Variants in ARHGAP45 observed in about 807,000 individuals in gnomAD.
ARHGAP45 encodes rho GTPase-activating protein 45.
ARHGAP45 carries 56 observed loss-of-function variants against 116.1 expected under a neutral mutation model. That is an observed-to-expected ratio of 0.48 (90% confidence interval 0.39 to 0.60). The LOEUF is 0.60. ARHGAP45 is among the 20% of genes least tolerant of loss of function. ARHGAP45 has a pLI of 0.00. For synonymous variants in ARHGAP45, 866 were observed against 701.7 expected (o/e 1.23, Z -3.70); for missense variants, 1,622 against 1,601.0 (o/e 1.01, Z -0.22).
rs2043532192 is a variant in ARHGAP45 at position 1,084,260 on chromosome 19, C to G, written c.2978C>G (p.Ala993Gly). The change falls in exon 22 of 23, where the codon GCT becomes GGT. Residue 993 changes from alanine to glycine, a missense_variant. This residue lies in a region of ARHGAP45 where 1,334 missense variants were observed against 1,263.8 expected (regional missense o/e 1.06). Coordinates refer to ENST00000313093, the MANE Select transcript of ARHGAP45 (RefSeq NM_012292.5). ...CAGGACGAGTCATCCAACCAGCGAGCTGAGGTAGTCGTCCAGGTGCCGTAC... is the reference window on the plus strand; with the variant it reads ...CAGGACGAGTCATCCAACCAGCGAGGTGAGGTAGTCGTCCAGGTGCCGTAC... ...GGQDESSNQR[A>G]EVVVQVPYLE... The G allele has an allele frequency of 6.2e-7, 1 of 1,613,442 alleles. No individual in the cohort carries two copies. Among genetic ancestry groups the G allele is most frequent in the Non-Finnish European group, 8.5e-7 (1 of 1,179,914 alleles).
chr19:1,083,023 G>A lies in ARHGAP45; in HGVS notation c.2701G>A (p.Glu901Lys). The change falls in exon 20 of 23, where the codon GAG becomes AAG. Residue 901 changes from glutamate (E) to lysine (K), a missense_variant. Transcript: ENST00000313093. ...LRELLRDLPP[E>K]NRASLQYLLR... ...GGAGCTCCTGCGGGACCTGCCGCCT[G>A]AGAACCGGGCCTCGCTGCAGTACCT... 1 of 1,545,384 alleles carries A rather than the reference G, an allele frequency of 6.5e-7. No individual in the cohort carries two copies. The highest frequency in any genetic ancestry group is 2.4e-5 in the East Asian group (1 of 41,982).
rs758566665 is a variant in ARHGAP45, at chr19:1,080,032, G to A, written c.1617G>A (p.Gln539=). 5 of 1,612,920 alleles carry A rather than the reference G, an allele frequency of 3.1e-6. No individual in the cohort carries two copies. The highest frequency in any genetic ancestry group is 1.1e-5 in the South Asian group (1 of 91,090). ...ESSKLYDPGQ[Q]YASHVRQLQR... Reference sequence around the variant, plus strand: ...GCAAGCTGTATGACCCAGGCCAGCAGTACGCCTCCCACGTGCGCCAGCTGC... The same window carrying A: ...GCAAGCTGTATGACCCAGGCCAGCAATACGCCTCCCACGTGCGCCAGCTGC... The change falls in exon 13 of 23, where the codon CAG becomes CAA. Residue 539 remains glutamine, a synonymous_variant. Coordinates refer to ENST00000313093, the MANE Select transcript of ARHGAP45 (RefSeq NM_012292.5).
intron 10 of ARHGAP45, chr19:1,077,374 CT>C (rs34571690): frequency 0.17 from 138,286 of 823,970 alleles, 1 homozygote; most frequent in Non-Finnish European, 0.18. Flanking sequence ...TCCTCCCGTT[CT>C]TTTTTTTTTT....
At chr19:1,070,329 C>CTTTTTTTTTTTT (rs1172163710) in intron 2 of ARHGAP45, among the ~76,000 whole-genome samples, 11 of 93,288 alleles carry the variant, frequency 1.2e-4, no homozygotes, top group South Asian at 3.8e-4. Context: ...CTTTTCTTTT[C>CTTTTTTTTTTTT]TTTTTTTTTT....
intron 22 of ARHGAP45, 28 bp from the exon 23 acceptor site, chr19:1,085,632 C>T: frequency 1.4e-6 from 2 of 1,480,664 alleles, no homozygotes; most frequent in Non-Finnish European, 1.8e-6. Context: ...CTGTCTGTCT[C>T]CCCCCGCCAT....
At chr19:1,072,775 G>T (rs1277690782) in intron 2 of ARHGAP45, among the ~76,000 whole-genome samples, 3 of 152,250 alleles carry the variant, frequency 2.0e-5, no homozygotes, top group Non-Finnish European at 4.4e-5. Flanking sequence ...AGGGCAGAGA[G>T]AGACCTGGAC....
Position 1,080,704 on chromosome 19 carries a change from G to C in ARHGAP45, c.1935G>C (p.Arg645=). 6.2e-7 allele frequency: 1 copy of C among 1,613,560 alleles called. No homozygotes were observed. The highest frequency in any genetic ancestry group is 8.5e-7 in the Non-Finnish European group (1 of 1,179,966). Residue 645 remains arginine, a synonymous_variant, in exon 16 of 23, where the codon CGG becomes CGC. Transcript: ENST00000313093. ...CAGGGGACTTTAAGAAGTTCGAGCG[G>C]ACGTCATCCAGTGGTACCATGTCGT... ...PGAGDFKKFE[R]TSSSGTMSST... is the part of the protein sequence containing the mutation.
rs779422486 is a variant in ARHGAP45 at position 1,073,985 on chromosome 19, C to T, written c.761C>T (p.Thr254Met). 1.4e-5 allele frequency: 22 copies of T among 1,591,826 alleles called. No homozygotes were observed. Among genetic ancestry groups the T allele is most frequent in the Admixed American group, 5.3e-5 (3 of 56,946 alleles). The change falls in exon 6 of 23, where the codon ACG becomes ATG. Residue 254 changes from threonine (T) to methionine (M), a missense_variant. Thr to Met is a moderately conservative substitution (Grantham distance 81). This residue lies in a region of ARHGAP45 where 1,334 missense variants were observed against 1,263.8 expected (regional missense o/e 1.06). Transcript: ENST00000313093. ...CTGTATGGACCGGGCAGTGAGGGCA[C>T]GCCTCCCAGCCTGGAAGACTGTGAC... ...ESLYGPGSEG[T>M]PPSLEDCDAG...
chr19:1,074,617 C>T lies in ARHGAP45; in HGVS notation c.997C>T (p.His333Tyr), dbSNP rs781329831. The T allele has an allele frequency of 7.0e-6, 11 of 1,581,786 alleles. No homozygotes were observed. Among genetic ancestry groups the T allele is most frequent in the Admixed American group, 5.3e-5 (3 of 56,292 alleles). Reference sequence around the variant, plus strand: ...TGAGCCGGTGCCCCACCCACAGCCCCACATGCCGCTCCTGTCCATCTACTC... The same window carrying T: ...TGAGCCGGTGCCCCACCCACAGCCCTACATGCCGCTCCTGTCCATCTACTC... ...NCRQSVMQEPHMPLLSIYSLA... is the reference protein window; with the variant it reads ...NCRQSVMQEPYMPLLSIYSLA... The change falls in exon 9 of 23, where the codon CAC (histidine) becomes TAC (tyrosine). Residue 333 changes from histidine (H) to tyrosine (Y), a missense_variant. His to Tyr is a moderately conservative substitution (Grantham distance 83, BLOSUM62 2). Around this residue, in one of 3 missense-constraint regions of ARHGAP45, gnomAD observed 1,334 missense variants for 1,263.8 expected, o/e 1.06. Transcript: ENST00000313093.
Position 1,081,961 on chromosome 19 carries a change from G to A in ARHGAP45, c.2517G>A (p.Gln839=), listed in dbSNP as rs749189148. 1 of 1,609,534 alleles carries A rather than the reference G, an allele frequency of 6.2e-7. No individual in the cohort carries two copies. The highest frequency in any genetic ancestry group is 8.5e-7 in the Non-Finnish European group (1 of 1,178,360). ...ISNVLKLYLR[Q]LPEPLISFRL... ...ACGTCCTCAAGCTCTACCTGCGTCA[G>A]GTGAGACCCACCGGTGGTGGCCAGG... Residue 839 remains glutamine (Q), a splice_region_variant and synonymous_variant, in exon 19 of 23, where the codon CAG becomes CAA. Transcript: ENST00000313093.
intron 11 of ARHGAP45, 78 bp downstream of exon 11, chr19:1,078,123 G>T (rs1271561041): frequency 6.8e-7 from 1 of 1,463,936 alleles, no homozygotes; most frequent in African/African-American, 1.5e-5. Context: ...ACTACCTCCA[G>T]ACCTTTGTTT....
intron 10 of ARHGAP45, among the ~76,000 whole-genome samples, chr19:1,076,452 C>T (rs1171185919): frequency 6.9e-6 from 1 of 145,206 alleles, no homozygotes; most frequent in Non-Finnish European, 1.5e-5. Flanking sequence ...CCTATTTTGC[C>T]AGGTAGAAAC....
At chr19:1,085,183 A>T (rs998053255) in intron 22 of ARHGAP45, among the ~76,000 whole-genome samples, 25 of 152,184 alleles carry the variant, frequency 1.6e-4, no homozygotes, top group African/African-American at 6.0e-4. Flanking sequence ...GCAGAAAGCA[A>T]AGAGGAGCAA....
intron 17 of ARHGAP45, 104 bp from the exon 18 acceptor site, chr19:1,081,446 C>A: frequency 8.6e-7 from 1 of 1,160,388 alleles, no homozygotes. Flanking sequence ...CAGAAGCTGC[C>A]GTGTGGGGGC....
At chr19:1,066,118 T>C, upstream of ARHGAP45, 2 of 1,535,634 alleles carry the variant, frequency 1.3e-6, no homozygotes, top group Non-Finnish European at 1.7e-6. Context: ...CAAGGGGCTG[T>C]GGCCTTCATG....
rs777194332 is a variant in ARHGAP45, at chr19:1,086,013, G to A, written c.*7G>A. On this transcript the variant is annotated 3_prime_UTR_variant, in exon 23 of 23. Transcript: ENST00000313093. ...GCAGCCGGAATTCGTGTGAGCTGGGGTGGGGCTGGGACCACAGGTGGCTTC... is the reference window on the plus strand; with the variant it reads ...GCAGCCGGAATTCGTGTGAGCTGGGATGGGGCTGGGACCACAGGTGGCTTC... 3 of 1,607,846 alleles carry A rather than the reference G, an allele frequency of 1.9e-6. No individual in the cohort carries two copies. Among genetic ancestry groups the A allele is most frequent in the Non-Finnish European group, 2.5e-6 (3 of 1,176,568 alleles).
In ARHGAP45 at chr19:1,067,331, G is replaced by C. The variant is rs1599746417; in HGVS notation, c.-75G>C. On this transcript the variant is annotated 5_prime_UTR_variant, in exon 1 of 23. Coordinates refer to ENST00000313093, the MANE Select transcript of ARHGAP45 (RefSeq NM_012292.5). ...GGGTGGCCGGCGACAATGTGGTCCCGAAGCGGCCAGCGCCGGGAGCTGCAG... is the reference window on the plus strand; with the variant it reads ...GGGTGGCCGGCGACAATGTGGTCCCCAAGCGGCCAGCGCCGGGAGCTGCAG... 1 of 1,459,264 alleles carries C rather than the reference G, an allele frequency of 6.9e-7. No individual in the cohort carries two copies. The highest frequency in any genetic ancestry group is 9.0e-7 in the Non-Finnish European group (1 of 1,107,944). The allele number at this position is 1,459,264 out of a possible 1,614,324, so 90.4% of individuals were successfully genotyped here.
rs985124540 is a variant in ARHGAP45, at chr19:1,085,766, G to A, written c.3171G>A (p.Gln1057=). Residue 1057 remains glutamine, a synonymous_variant, in exon 23 of 23, where the codon CAG becomes CAA. Coordinates refer to ENST00000313093, the MANE Select transcript of ARHGAP45 (RefSeq NM_012292.5). ...SALGHLSFLE[Q]QQSEASLEVA... Reference sequence around the variant, plus strand: ...TGGGCCACCTCAGCTTCCTGGAGCAGCAGCAGAGCGAGGCCAGCCTAGAGG... The same window carrying A: ...TGGGCCACCTCAGCTTCCTGGAGCAACAGCAGAGCGAGGCCAGCCTAGAGG... 2 of 1,612,582 alleles carry A rather than the reference G, an allele frequency of 1.2e-6. No homozygotes were observed. Among genetic ancestry groups the A allele is most frequent in the Non-Finnish European group, 1.7e-6 (2 of 1,179,806 alleles).
chr19:1,067,801 G>C, intron 1 of ARHGAP45: 1 of 618,358 alleles, frequency 1.6e-6, no homozygotes, highest in Middle Eastern at 4.1e-4. Context: ...CAGGTTGGGG[G>C]CTTAGGCAAT....
Sources: allele counts gnomAD v4.1 joint callset (sites outside exome capture counted in the v4.1 genomes callset), GRCh38; gene constraint gnomAD v4.1.1; regional missense constraint gnomAD v4.1.1; transcripts MANE v1.5; gene names NCBI Gene and HGNC (gene_info 2026-07-23, HGNC 2026-07-21).